SUPT3H: variants seen among roughly 807,000 people sequenced by gnomAD.
The protein encoded by SUPT3H is transcription initiation protein SPT3 homolog.
In SUPT3H, 44 loss-of-function variants were observed where a neutral mutation model predicts 44.3. That is an observed-to-expected ratio of 0.99 (90% confidence interval 0.78 to 1.28). The LOEUF is 1.28. Ranked by LOEUF, SUPT3H falls within the 50% of genes most tolerant of loss-of-function variation. SUPT3H has a pLI of 0.00. For synonymous variants in SUPT3H, 124 were observed against 125.6 expected, an observed-to-expected ratio of 0.99 and a Z score of 0.09; for missense variants, 380 against 387.1, an observed-to-expected ratio of 0.98 and a Z score of 0.15.
chr6:45,188,109 T>C (rs934432006), intron 2 of SUPT3H, among the ~76,000 whole-genome samples: 1 of 152,222 alleles, frequency 6.6e-6, no homozygotes, highest in Non-Finnish European at 1.5e-5. Flanking sequence ...TTCTATCAGA[T>C]CAACTGTCAC....
chr6:45,276,678 T>C (rs10948222), intron 2 of SUPT3H, among the ~76,000 whole-genome samples: 61,109 of 152,098 alleles, frequency 0.4, 12,704 homozygotes, highest in East Asian at 0.71. Context: ...TTTTGGTCTT[T>C]ATTACATCTC....
intron 10 of SUPT3H, among the ~76,000 whole-genome samples, chr6:44,908,154 C>CTTTTT (rs70993481): frequency 7.3e-6 from 1 of 136,958 alleles, no homozygotes; most frequent in African/African-American, 2.6e-5. Flanking sequence ...TTTTTCTTTT[C>CTTTTT]TTTTTTTTTT....
intron 2 of SUPT3H, among the ~76,000 whole-genome samples, chr6:45,208,032 A>C (rs2153629117): frequency 6.6e-6 from 1 of 152,340 alleles, no homozygotes; most frequent in Non-Finnish European, 1.5e-5. Flanking sequence ...CTCTTGTGCC[A>C]AACAGTTAAC....
At chr6:44,839,805 C>T (rs1008257883) in intron 10 of SUPT3H, among the ~76,000 whole-genome samples, 1 of 151,310 alleles carries the variant, frequency 6.6e-6, no homozygotes, top group African/African-American at 2.4e-5. Flanking sequence ...GGGTTCATGC[C>T]ATTCTCCTGC....
At chr6:45,356,612 G>A (rs924852382) in intron 2 of SUPT3H, among the ~76,000 whole-genome samples, 47 of 151,912 alleles carry the variant, frequency 3.1e-4, no homozygotes, top group African/African-American at 1.1e-3. Flanking sequence ...TGGTGGCCAG[G>A]CTGGTCTCGA....
In SUPT3H at chr6:45,184,775, GAAAAAAAAAAA is replaced by G. The variant is rs55652227; in HGVS notation, c.102-78780_102-78770del. Among the ~76,000 whole-genome samples, 487 of 128,578 alleles carry G rather than the reference GAAAAAAAAAAA, an allele frequency of 3.8e-3. 7 individuals carry two copies. The highest frequency in any genetic ancestry group is 0.013 in the African/African-American group (446 of 33,542). The allele number at this position is 128,578 out of a possible 152,430, so 84.4% of individuals were successfully genotyped here. ...GATGTAGAACCACCAACAGGCAGAG[GAAAAAAAAAAA>G]AAAAAAAAAAAAAAAAACTCCAAGG... On this transcript the variant is annotated intron_variant, in intron 2 of 10. Transcript: ENST00000371459.
intron 10 of SUPT3H, among the ~76,000 whole-genome samples, chr6:44,865,225 T>C (rs1387191722): frequency 1.3e-5 from 2 of 152,206 alleles, no homozygotes; most frequent in African/African-American, 4.8e-5. Flanking sequence ...CATATCATTA[T>C]CACCATTTTG....
intron 2 of SUPT3H, among the ~76,000 whole-genome samples, chr6:45,246,855 AG>A (rs1771439343): frequency 6.6e-6 from 1 of 152,234 alleles, no homozygotes; most frequent in South Asian, 2.1e-4. Context: ...GAAAACTTAC[AG>A]CATTAATTAC....
intron 2 of SUPT3H, among the ~76,000 whole-genome samples, chr6:45,305,680 C>T (rs1262147781): frequency 1.3e-5 from 2 of 152,146 alleles, no homozygotes; most frequent in African/African-American, 4.8e-5. Context: ...TAACTCCTTG[C>T]CTTAAAAATC....
intron 6 of SUPT3H, among the ~76,000 whole-genome samples, chr6:44,979,235 G>A (rs370080731): frequency 1.3e-5 from 2 of 152,026 alleles, no homozygotes; most frequent in African/African-American, 2.4e-5. Flanking sequence ...GTCGCAGAAC[G>A]AATATTTTGA....
chr6:45,166,447 T>C (rs958087988), intron 2 of SUPT3H, among the ~76,000 whole-genome samples: 13 of 151,840 alleles, frequency 8.6e-5, no homozygotes, highest in African/African-American at 2.7e-4. Context: ...AAATTAGGCA[T>C]AGTGGCAGGT....
chr6:45,083,035 C>T (rs1396253991), intron 3 of SUPT3H, among the ~76,000 whole-genome samples: 1 of 151,948 alleles, frequency 6.6e-6, no homozygotes, highest in African/African-American at 2.4e-5. Flanking sequence ...TAGTCATAGT[C>T]ACACAAATAT....
intron 3 of SUPT3H, among the ~76,000 whole-genome samples, chr6:45,027,235 C>G (rs1001689303): frequency 6.6e-6 from 1 of 152,006 alleles, no homozygotes; most frequent in Non-Finnish European, 1.5e-5. Flanking sequence ...AAGTAATCTG[C>G]CCACTTTGGT....
chr6:44,866,616 A>T (rs1284314795), intron 10 of SUPT3H, among the ~76,000 whole-genome samples: 1 of 151,984 alleles, frequency 6.6e-6, no homozygotes, highest in African/African-American at 2.4e-5. Flanking sequence ...CTGTGTGTCA[A>T]ATTAGGTTTG....
intron 6 of SUPT3H, among the ~76,000 whole-genome samples, chr6:44,972,815 C>A (rs35357222): frequency 6.6e-6 from 1 of 151,830 alleles, no homozygotes; most frequent in East Asian, 1.9e-4. Context: ...CCTCTGAAGC[C>A]ACAACTCTTT....
intron 10 of SUPT3H, among the ~76,000 whole-genome samples, chr6:44,905,842 C>T (rs560194985): frequency 6.6e-6 from 1 of 152,214 alleles, no homozygotes; most frequent in Non-Finnish European, 1.5e-5. Flanking sequence ...TACTATGCAG[C>T]CATAAAAAAT....
At chr6:44,842,790 A>G (rs564512315) in intron 10 of SUPT3H, among the ~76,000 whole-genome samples, 1 of 152,244 alleles carries the variant, frequency 6.6e-6, no homozygotes, top group South Asian at 2.1e-4. Flanking sequence ...TTACATTACT[A>G]TATATCAGCA....
At chr6:45,004,708 A>C (rs1782463253) in intron 5 of SUPT3H, among the ~76,000 whole-genome samples, 1 of 152,188 alleles carries the variant, frequency 6.6e-6, no homozygotes, top group African/African-American at 2.4e-5. Context: ...CCATGCTCAT[A>C]TATCCATAAA....
At chr6:44,911,225 T>C (rs1054049927) in intron 10 of SUPT3H, among the ~76,000 whole-genome samples, 1 of 151,090 alleles carries the variant, frequency 6.6e-6, no homozygotes, top group African/African-American at 2.5e-5. Context: ...TTTTAGTGCA[T>C]CTTCTTTTGT....
Sources: gnomAD v4.1 joint callset for allele counts (sites outside exome capture counted in the v4.1 genomes callset) on GRCh38, gnomAD v4.1.1 for gene constraint, MANE v1.5 for transcripts, NCBI Gene and HGNC (gene_info 2026-07-23, HGNC 2026-07-21) for gene names.